Variants in SMAD7 observed in about 807,000 individuals in gnomAD.
SMAD7 encodes the protein MAD (mothers against decapentaplegic, Drosophila) homolog 7.
In SMAD7, 8 loss-of-function variants were observed where a neutral mutation model predicts 38.7. That is an observed-to-expected ratio of 0.21 (90% CI 0.12 to 0.37). The LOEUF (loss-of-function observed/expected upper bound fraction) is 0.37. Among genes scored for constraint, SMAD7 ranks in the 10% least tolerant of loss-of-function variants. The pLI, the probability that SMAD7 is intolerant of heterozygous loss-of-function variation, is 1.00. For synonymous variants in SMAD7, 327 were observed against 265.1 expected, an observed-to-expected ratio of 1.23 and a Z score of -2.27; for missense variants, 477 against 577.9, an observed-to-expected ratio of 0.83 and a Z score of 1.79.
chr18:48,930,492 T>C (rs1368100598), intron 3 of SMAD7, among the ~76,000 whole-genome samples: 2 of 152,234 alleles, frequency 1.3e-5, no homozygotes, highest in African/African-American at 2.4e-5. Context: ...AGCTGCTCTG[T>C]GCTGGGTGCC....
rs1038468693 is a variant in SMAD7 at position 48,950,368 on chromosome 18, G to C, written c.57C>G (p.Pro19=). Residue 19 remains proline (P), a synonymous_variant, in exon 1 of 4, where the codon CCC becomes CCG. Coordinates refer to ENST00000262158, the MANE Select transcript of SMAD7 (RefSeq NM_005904.4). ...CGCCCTCCTCCTCGTCCTCGCCGCC[G>C]GGCGCACGGCTCCTCCAGAGACGCC... ...LVRRLWRSRA[P]GGEDEEEGAG... The C allele has an allele frequency of 1.5e-5, 23 of 1,542,968 alleles. No homozygotes were observed. The highest frequency in any genetic ancestry group is 1.8e-5 in the Non-Finnish European group (21 of 1,144,204).
Position 48,921,701 on chromosome 18 carries a change from C to T in SMAD7, c.952G>A (p.Gly318Ser). 2.5e-6 allele frequency: 4 copies of T among 1,613,898 alleles called. No individual in the cohort carries two copies. The highest frequency in any genetic ancestry group is 3.4e-6 in the Non-Finnish European group (4 of 1,179,884). Residue 318 changes from glycine to serine, a missense_variant, in exon 4 of 4, where the codon GGC (glycine) becomes AGC (serine). By Grantham distance (56) the Gly-to-Ser change is moderately conservative. Around this residue, in one of 2 missense-constraint regions of SMAD7, gnomAD observed 101 missense variants for 198.5 expected, o/e 0.51. Transcript: ENST00000262158. This position sits in a 1 kb window ranked among gnomAD's most constrained non-coding sequence, Gnocchi z 6.4. ...TCCCGCGTCAGCTGGATGCCGCAGC[C>T]GATTTTGCTCCGCACCTTCTGCACC... The part of the protein sequence containing the change: ...QLVQKVRSKI[G>S]CGIQLTREVD...
chr18:48,929,597 ACG>A (rs1555716131), intron 3 of SMAD7, among the ~76,000 whole-genome samples: 3 of 149,628 alleles, frequency 2.0e-5, no homozygotes, highest in African/African-American at 7.5e-5. Flanking sequence ...ACACACACAC[ACG>A]TTAAAGCATC....
intron 3 of SMAD7, among the ~76,000 whole-genome samples, chr18:48,929,569 T>TCTCTCTCTCTCACACACACACACACA (rs3082710): frequency 1.7e-5 from 2 of 114,558 alleles, no homozygotes; most frequent in Non-Finnish European, 3.5e-5. Context: ...TCTCTCTCTC[T>TCTCTCTCTCTCACACACACACACACA]CACTCACACA....
intron 2 of SMAD7, among the ~76,000 whole-genome samples, chr18:48,947,622 AC>A (rs2070209430): frequency 6.6e-6 from 1 of 152,282 alleles, no homozygotes; most frequent in Middle Eastern, 3.4e-3. Context: ...CCTTGTTGTC[AC>A]CCCCAAGTTC....
chr18:48,937,263 CAT>C (rs1491401371), intron 3 of SMAD7, among the ~76,000 whole-genome samples: 10 of 69,108 alleles, frequency 1.4e-4, no homozygotes, highest in Middle Eastern at 8.1e-3. Context: ...TAAGTAAAGG[CAT>C]GTGTGTGTGT....
chr18:48,947,902 C>CCA (rs1555718388), intron 2 of SMAD7, among the ~76,000 whole-genome samples: 1 of 150,646 alleles, frequency 6.6e-6, no homozygotes, highest in Non-Finnish European at 1.5e-5. Flanking sequence ...ACCCCCCCCC[C>CCA]CCTTTTACTG....
chr18:48,950,182 G>A lies in SMAD7; in HGVS notation c.243C>T (p.Gly81=). The A allele has an allele frequency of 6.7e-7, 1 of 1,483,270 alleles. No homozygotes were observed. The highest frequency in any genetic ancestry group is 8.9e-7 in the Non-Finnish European group (1 of 1,123,516). 91.9% of individuals were successfully genotyped at this position (1,483,270 alleles called of 1,614,324 possible). The change falls in exon 1 of 4, where the codon GGC becomes GGT. Residue 81 remains glycine (G), a synonymous_variant. Coordinates refer to ENST00000262158, the MANE Select transcript of SMAD7 (RefSeq NM_005904.4). ...GHHHPHPPAA[G]AGAAGGAEAD... ...CCTCGGCGCCCCCGGCCGCGCCGGC[G>A]CCCGCGGCTGGCGGGTGGGGATGGT...
intron 2 of SMAD7, 170 bp from the exon 3 acceptor site, chr18:48,942,725 G>A (rs1433158186): frequency 4.0e-6 from 6 of 1,493,434 alleles, no homozygotes; most frequent in East Asian, 2.6e-5. Flanking sequence ...ACTGCCCATC[G>A]TAAGACAGAC....
intron 3 of SMAD7, among the ~76,000 whole-genome samples, chr18:48,931,115 A>C (rs2069995223): frequency 6.6e-6 from 1 of 152,170 alleles, no homozygotes; most frequent in African/African-American, 2.4e-5. Context: ...CTAGAGGAGG[A>C]GGCAAATTCA....
rs148574260 is a variant in SMAD7 at position 48,927,199 on chromosome 18, G to A, written c.743-5289C>T. On this transcript the variant is annotated intron_variant, in intron 3 of 3. Coordinates refer to ENST00000262158, the MANE Select transcript of SMAD7 (RefSeq NM_005904.4). ...AACCAAAATGTTTCAGGTAAACTGC[G>A]AGTTAATCAGAAAACACTGGGGCCC... 4.5e-3 allele frequency among the ~76,000 whole-genome samples: 692 copies of A among 152,282 alleles called. 23 individuals are homozygous for A. Among genetic ancestry groups the A allele is most frequent in the Admixed American group, 0.042 (641 of 15,300 alleles).
intron 2 of SMAD7, among the ~76,000 whole-genome samples, chr18:48,947,194 C>G (rs528222589): frequency 6.6e-6 from 1 of 152,312 alleles, no homozygotes; most frequent in African/African-American, 2.4e-5. Context: ...CAAAATATCA[C>G]ATGCTTTGCG....
At chr18:48,925,967 C>T (rs113187646) in intron 3 of SMAD7, among the ~76,000 whole-genome samples, 1 of 152,280 alleles carries the variant, frequency 6.6e-6, no homozygotes, top group African/African-American at 2.4e-5. Flanking sequence ...AGGATGGTCT[C>T]GATCTCCTGA....
intron 3 of SMAD7, among the ~76,000 whole-genome samples, chr18:48,922,170 C>T (rs2069870589): frequency 2.0e-5 from 3 of 152,226 alleles, no homozygotes; most frequent in Admixed American, 2.0e-4. Flanking sequence ...AGTACACCAG[C>T]ATCTGTGCCC....
chr18:48,930,731 C>T (rs1284000881), intron 3 of SMAD7, among the ~76,000 whole-genome samples: 1 of 152,140 alleles, frequency 6.6e-6, no homozygotes, highest in Non-Finnish European at 1.5e-5. Flanking sequence ...ACACATGAGG[C>T]ACAAGTCAAG....
At chr18:48,926,746 G>A (rs887216011) in intron 3 of SMAD7, among the ~76,000 whole-genome samples, 1 of 152,170 alleles carries the variant, frequency 6.6e-6, no homozygotes, top group African/African-American at 2.4e-5. Flanking sequence ...CAGGACCCAG[G>A]CGCCACCAAC....
At chr18:48,933,163 C>G (rs2070022991) in intron 3 of SMAD7, among the ~76,000 whole-genome samples, 1 of 152,186 alleles carries the variant, frequency 6.6e-6, no homozygotes, top group African/African-American at 2.4e-5. Context: ...TGCTTTATCT[C>G]AATTCTCAAC....
At chr18:48,928,773 AC>A (rs1218353679) in intron 3 of SMAD7, among the ~76,000 whole-genome samples, 2 of 151,482 alleles carry the variant, frequency 1.3e-5, no homozygotes, top group South Asian at 2.1e-4. Context: ...ACCTCCCAAA[AC>A]CCCCCAAGCA....
intron 2 of SMAD7, among the ~76,000 whole-genome samples, chr18:48,943,962 G>T (rs1012263059): frequency 6.6e-6 from 1 of 152,180 alleles, no homozygotes; most frequent in South Asian, 2.1e-4. Flanking sequence ...GGAGGCAGGC[G>T]TGGGGGTGAG....
Sources: gnomAD v4.1 joint callset for allele counts (sites outside exome capture counted in the v4.1 genomes callset) on GRCh38, gnomAD v4.1.1 for gene constraint, gnomAD v4.1.1 regional missense constraint, Gnocchi (gnomAD v3.1) non-coding constraint, MANE v1.5 for transcripts, NCBI Gene and HGNC (gene_info 2026-07-23, HGNC 2026-07-21) for gene names.